ANXA11: variants seen among roughly 807,000 people sequenced by gnomAD.
ANXA11 encodes annexin A11, also known as 56 kDa autoantigen.
ANXA11 carries 57 observed loss-of-function variants against 64.7 expected under a neutral mutation model. That is an observed-to-expected ratio of 0.88 (90% CI 0.71 to 1.10). The LOEUF (loss-of-function observed/expected upper bound fraction) is 1.10. Among genes scored for constraint, ANXA11 ranks in the 50% least tolerant of loss-of-function variants. The pLI, the probability that ANXA11 is intolerant of heterozygous loss-of-function variation, is 0.00. For synonymous variants in ANXA11, 260 were observed against 265.2 expected, an observed-to-expected ratio of 0.98 and a Z score of 0.19; for missense variants, 675 against 670.7, an observed-to-expected ratio of 1.01 and a Z score of -0.07.
intron 3 of ANXA11, chr10:80,171,319 A>C: frequency 1.1e-6 from 1 of 942,814 alleles, no homozygotes; most frequent in Non-Finnish European, 1.3e-6. Flanking sequence ...GATTTCAGTA[A>C]TGCGAAGGCA....
At chr10:80,157,784 A>G in intron 14 of ANXA11, 21 bp from the exon 15 acceptor site, 1 of 1,608,026 alleles carries the variant, frequency 6.2e-7, no homozygotes, top group Non-Finnish European at 8.5e-7. Flanking sequence ...TCCACCCAAG[A>G]GCATGAGCAC....
At chr10:80,158,967 T>G (rs1401024104) in intron 13 of ANXA11, 133 bp downstream of exon 13, 1 of 696,242 alleles carries the variant, frequency 1.4e-6, no homozygotes, top group African/African-American at 1.8e-5. Context: ...ATCTGGACAC[T>G]CTGGGCTGAG....
intron 8 of ANXA11, 32 bp downstream of exon 8, chr10:80,166,052 A>ACGTG (rs1845719122): frequency 2.3e-6 from 1 of 429,036 alleles, no homozygotes; most frequent in African/African-American, 2.6e-5. Context: ...GCACACACAC[A>ACGTG]CACACACACA....
In ANXA11 at chr10:80,158,089, A is replaced by C. The variant is rs1845350759; in HGVS notation, c.1277-64T>G. 8.0e-6 allele frequency: 12 copies of C among 1,492,488 alleles called. No homozygotes were observed. The South Asian group carries it at 1.2e-4, about 15-fold the overall frequency. The allele number at this position is 1,492,488 out of a possible 1,614,324, so 92.5% of individuals were successfully genotyped here. ...AATTCTCAGCCCAAGCAGGGCATGG[A>C]GTCTACAAGTGTCCTCTTAGAGGCC... On this transcript the variant is annotated intron_variant, in intron 13 of 15. Transcript: ENST00000422982.
At chr10:80,157,471 C>T (rs1452165800) in intron 15 of ANXA11, 170 bp downstream of exon 15, 1 of 985,150 alleles carries the variant, frequency 1.0e-6, no homozygotes, top group East Asian at 1.1e-4. Flanking sequence ...CACCTGCCCT[C>T]AGAAATTTAT....
At chr10:80,167,052 T>C (rs1183130589) in intron 6 of ANXA11, 68 bp from the exon 7 acceptor site, 18 of 1,383,134 alleles carry the variant, frequency 1.3e-5, no homozygotes, top group Middle Eastern at 2.0e-4. Flanking sequence ...GAGACTTCCC[T>C]GGCCTGGGCC....
Position 80,167,294 on chromosome 10 carries a change from A to G in ANXA11, c.581T>C (p.Ile194Thr), listed in dbSNP as rs556788817. The G allele has an allele frequency of 2.5e-6, 4 of 1,614,120 alleles. No individual in the cohort carries two copies. The East Asian group carries it at 8.9e-5, about 36-fold the overall frequency. The change falls in exon 6 of 16, where the codon ATC (isoleucine) becomes ACC (threonine). Residue 194 changes from isoleucine (I) to threonine (T), a missense_variant. Coordinates refer to ENST00000422982, the MANE Select transcript of ANXA11 (RefSeq NM_145868.2). ...PPTQFGSRGT[I>T]TDAPGFDPLR... ...GGGGTCAAAGCCGGGAGCATCAGTGATGGTGCCTCGGCTTCCAAACTACTC... is the reference window on the plus strand; with the variant it reads ...GGGGTCAAAGCCGGGAGCATCAGTGGTGGTGCCTCGGCTTCCAAACTACTC...
rs140397387 is a variant in ANXA11, at chr10:80,170,936, T to G, written c.56-21A>C. 10 of 1,578,632 alleles carry G rather than the reference T, an allele frequency of 6.3e-6. No homozygotes were observed. The East Asian group carries it at 2.3e-4, about 37-fold the overall frequency. Reference sequence around the variant, plus strand: ...ACCACCTGAAAGCAACACCAAGCCCTTTAGCCCCCTGCCAGTCCCCCACCA... The same window carrying G: ...ACCACCTGAAAGCAACACCAAGCCCGTTAGCCCCCTGCCAGTCCCCCACCA... On this transcript the variant is annotated intron_variant, in intron 3 of 15. Coordinates refer to ENST00000422982, the MANE Select transcript of ANXA11 (RefSeq NM_145868.2).
At chr10:80,192,668 G>A (rs1213216833) in intron 1 of ANXA11, among the ~76,000 whole-genome samples, 3 of 152,180 alleles carry the variant, frequency 2.0e-5, no homozygotes, top group Admixed American at 6.5e-5. Context: ...CCTTTTCAGG[G>A]GAACTGGAAG....
rs542584726 is a variant in ANXA11, at chr10:80,173,702, T to G, written c.-8-833A>C. Among the ~76,000 whole-genome samples the G allele has an allele frequency of 5.3e-5, 8 of 152,374 alleles. No individual in the cohort carries two copies. The East Asian group carries it at 1.5e-3, about 29-fold the overall frequency. On this transcript the variant is annotated intron_variant, in intron 2 of 15. Coordinates refer to ENST00000422982, the MANE Select transcript of ANXA11 (RefSeq NM_145868.2). ...TGTGCAACCTGCCTGCTCTTGCTAATAGCAGCTGCTGCTGCAGTCTGCAGA... is the reference window on the plus strand; with the variant it reads ...TGTGCAACCTGCCTGCTCTTGCTAAGAGCAGCTGCTGCTGCAGTCTGCAGA...
chr10:80,193,904 G>A (rs1381342571), intron 1 of ANXA11, among the ~76,000 whole-genome samples: 4 of 151,252 alleles, frequency 2.6e-5, no homozygotes, highest in African/African-American at 9.7e-5. Context: ...AGGCTGGAAT[G>A]CAGTGGTGCA....
At chr10:80,172,913 C>A in intron 2 of ANXA11, 44 bp from the exon 3 acceptor site, 1 of 1,582,704 alleles carries the variant, frequency 6.3e-7, no homozygotes, top group Non-Finnish European at 8.7e-7. Flanking sequence ...GCCTGAGAGC[C>A]CCTGCTGGCC....
intron 15 of ANXA11, chr10:80,156,965 T>A (rs1845299733): frequency 1.0e-6 from 1 of 985,176 alleles, no homozygotes; most frequent in African/African-American, 1.7e-5. Context: ...GTTCAGAATT[T>A]GAGCGTTAGA....
At chr10:80,156,373 C>T (rs943412254) in intron 15 of ANXA11, 15 of 472,174 alleles carry the variant, frequency 3.2e-5, no homozygotes, top group Non-Finnish European at 6.1e-5. Context: ...GGCCACTACA[C>T]TTACTCTAAG....
rs528387365 is a variant in ANXA11, at chr10:80,191,962, C to T, written c.-58+13381G>A. On this transcript the variant is annotated intron_variant, in intron 1 of 15. Coordinates refer to ENST00000422982, the MANE Select transcript of ANXA11 (RefSeq NM_145868.2). ...GCATGCCAAGGTGATACAGCAAGACCCTAAGAGGGCTGGTGCTGAATCCCC... is the reference window on the plus strand; with the variant it reads ...GCATGCCAAGGTGATACAGCAAGACTCTAAGAGGGCTGGTGCTGAATCCCC... Among the ~76,000 whole-genome samples, 5 of 152,312 alleles carry T rather than the reference C, an allele frequency of 3.3e-5. No individual in the cohort carries two copies. In the East Asian group the frequency reaches 9.7e-4, roughly 29 times the overall value.
intron 1 of ANXA11, among the ~76,000 whole-genome samples, chr10:80,178,966 G>A (rs1846266247): frequency 6.6e-6 from 1 of 152,170 alleles, no homozygotes; most frequent in Non-Finnish European, 1.5e-5. Context: ...TTTCCCTTAA[G>A]GTATTGGACA....
chr10:80,159,319 G>T, intron 12 of ANXA11, 124 bp from the exon 13 acceptor site: 1 of 750,796 alleles, frequency 1.3e-6, no homozygotes, highest in Non-Finnish European at 2.3e-6. Flanking sequence ...CTTTAAAGAG[G>T]TAATTAAGTT....
chr10:80,165,739 C>T (rs1463050071), intron 8 of ANXA11, among the ~76,000 whole-genome samples: 7 of 152,146 alleles, frequency 4.6e-5, no homozygotes, highest in Admixed American at 6.5e-5. Flanking sequence ...AGAATGAGAA[C>T]GATACCAACC....
chr10:80,182,925 C>G (rs1215011682), intron 1 of ANXA11, among the ~76,000 whole-genome samples: 1 of 152,102 alleles, frequency 6.6e-6, no homozygotes, highest in African/African-American at 2.4e-5. Flanking sequence ...TATAGGACAC[C>G]CAGTTAGAGT....
Sources: gnomAD v4.1 joint callset for allele counts (sites outside exome capture counted in the v4.1 genomes callset) on GRCh38, gnomAD v4.1.1 for gene constraint, MANE v1.5 for transcripts, NCBI Gene and HGNC (gene_info 2026-07-23, HGNC 2026-07-21) for gene names.